The following ENOSF1 variants were observed in gnomAD, a reference collection of about 807,000 sequenced individuals.
ENOSF1 encodes mitochondrial enolase superfamily member 1.
ENOSF1 carries 73 observed loss-of-function variants against 68.2 expected under a neutral mutation model. The ratio of observed to expected loss-of-function variants is 1.07; its 90% confidence interval spans 0.89 to 1.30. The LOEUF (loss-of-function observed/expected upper bound fraction) is 1.30, where lower values mean the gene tolerates loss of function less well. ENOSF1 is among the 50% of genes most tolerant of loss of function. The probability of loss-of-function intolerance (pLI) is 0.00; values close to 1 mark genes in which losing one functional copy is unlikely to be tolerated. For synonymous variants in ENOSF1, 223 were observed against 210.4 expected (o/e 1.06, Z -0.52); for missense variants, 589 against 554.5 (o/e 1.06, Z -0.62).
At chr18:676,663 C>A (rs148182965) in intron 14 of ENOSF1, among the ~76,000 whole-genome samples, 370 of 152,290 alleles carry the variant, frequency 2.4e-3, no homozygotes, top group Middle Eastern at 0.017. Flanking sequence ...TAGACTAATA[C>A]AGTATAAAAT....
chr18:692,809 C>T (rs2077333272), intron 5 of ENOSF1: 1 of 1,037,968 alleles, frequency 9.6e-7, no homozygotes, highest in Admixed American at 5.1e-5. Flanking sequence ...TGTGTCCTTC[C>T]CCTACGGATG....
At chr18:704,826 G>A (rs12457335) in intron 2 of ENOSF1, among the ~76,000 whole-genome samples, 11,556 of 152,030 alleles carry the variant, frequency 0.076, 670 homozygotes, top group Admixed American at 0.18. Flanking sequence ...GGCTGGTCTT[G>A]AACTGCTTGA....
chr18:671,347 C>T lies in ENOSF1; in HGVS notation c.*2958G>A. On this transcript the variant is annotated 3_prime_UTR_variant, in exon 16 of 16. Coordinates refer to ENST00000647584, the MANE Select transcript of ENOSF1 (RefSeq NM_017512.7). ...TGATGTTTTAAAGAATTGAAACTAA[C>T]ATACTGTTCTGCTTTCTCCCCCGGG... is the stretch of plus-strand genomic sequence containing the variant. 7.2e-7 allele frequency: 1 copy of T among 1,383,492 alleles called. No individual in the cohort carries two copies. The highest frequency in any genetic ancestry group is 1.0e-6 in the Non-Finnish European group (1 of 969,836). The allele number at this position is 1,383,492 out of a possible 1,614,324, so 85.7% of individuals were successfully genotyped here. A position where few individuals can be genotyped will look rare whatever the true frequency, so the allele number is the denominator to read the frequency against.
At chr18:694,927 C>G (rs1259966281) in intron 3 of ENOSF1, among the ~76,000 whole-genome samples, 2 of 151,990 alleles carry the variant, frequency 1.3e-5, no homozygotes, top group Admixed American at 6.6e-5. Context: ...CTCTCTTAAC[C>G]CTAAATACAT....
chr18:706,816 T>TATATA lies in ENOSF1; in HGVS notation c.85-239_85-238insTATAT, dbSNP rs756834911. 818 of 93,616 alleles carry TATATA rather than the reference T, an allele frequency of 8.7e-3. 4 individuals carry two copies. Among genetic ancestry groups the TATATA allele is most frequent in the African/African-American group, 0.026 (560 of 21,730 alleles). 5.8% of individuals were successfully genotyped at this position (93,616 alleles called of 1,614,324 possible). A position where few individuals can be genotyped will look rare whatever the true frequency, so the allele number is the denominator to read the frequency against. On this transcript the variant is annotated intron_variant, in intron 1 of 15. Coordinates refer to ENST00000647584, the MANE Select transcript of ENOSF1 (RefSeq NM_017512.7). ...AGCAATGTATGTATATATATATATA[T>TATATA]TTTTTTTTTTTTTCTTTTTTGAGAC...
At chr18:664,945 T>C in the ENOSF1 span, among the ~76,000 whole-genome samples, 5 of 145,626 alleles carry the variant, frequency 3.4e-5, no homozygotes, top group Admixed American at 3.4e-4. Context: ...GAATTTTGCA[T>C]CAATGTTCAT....
intron 2 of ENOSF1, among the ~76,000 whole-genome samples, chr18:698,975 C>T (rs775286701): frequency 3.4e-4 from 51 of 152,088 alleles, no homozygotes; most frequent in Admixed American, 8.5e-4. Context: ...TCTCAGCCTC[C>T]TGAGTAGCTA....
intron 1 of ENOSF1, chr18:712,275 T>TG: frequency 6.5e-7 from 1 of 1,529,348 alleles, no homozygotes; most frequent in Non-Finnish European, 8.8e-7. Context: ...ACAGAAGCAA[T>TG]GGGTTCGAAG....
At position 706,450 on chromosome 18, in the gene ENOSF1, C is replaced by T. The variant is rs191994410; in HGVS notation, c.193+20G>A. ...CTGAAAATTAAGCATTCTGGAACCT[C>T]GAGAGAATCTTCAACTCACCAACTT... On this transcript the variant is annotated intron_variant, in intron 2 of 15. Coordinates refer to ENST00000647584, the MANE Select transcript of ENOSF1 (RefSeq NM_017512.7). 1,006 of 1,508,838 alleles carry T rather than the reference C, an allele frequency of 6.7e-4. 7 individuals are homozygous for T. The African/African-American group carries it at 0.012, about 18-fold the overall frequency. The allele number at this position is 1,508,838 out of a possible 1,614,324, so 93.5% of individuals were successfully genotyped here. A position where few individuals can be genotyped will look rare whatever the true frequency, so the allele number is the denominator to read the frequency against.
In ENOSF1 at chr18:689,699, CCCTATTT is replaced by C. The variant is rs957980853; in HGVS notation, c.618+843_618+849del. ...TTTGTCTCTGCCCCCATCGCTGCCC[CCCTATTT>C]CCTAACACACAACACACAGCCCCTA... On this transcript the variant is annotated intron_variant, in intron 8 of 15. Transcript: ENST00000647584. Among the ~76,000 whole-genome samples the C allele has an allele frequency of 5.7e-4, 87 of 152,224 alleles. No individual in the cohort carries two copies. The Middle Eastern group carries it at 0.017, about 30-fold the overall frequency.
intron 3 of ENOSF1, among the ~76,000 whole-genome samples, chr18:695,466 A>ACT (rs1157323337): frequency 6.6e-6 from 1 of 151,904 alleles, no homozygotes; most frequent in Non-Finnish European, 1.5e-5. Flanking sequence ...TCCCTTGATG[A>ACT]CTCTTGCCTC....
At chr18:688,546 GGAAA>G in intron 9 of ENOSF1, 24 bp downstream of exon 9, 1 of 1,613,872 alleles carries the variant, frequency 6.2e-7, no homozygotes, top group Non-Finnish European at 8.5e-7. Flanking sequence ...CCGCCAACTG[GGAAA>G]GTCAGGTCCA....
chr18:685,373 T>C (rs1450243204), intron 10 of ENOSF1, among the ~76,000 whole-genome samples: 1 of 151,432 alleles, frequency 6.6e-6, no homozygotes, highest in Non-Finnish European at 1.5e-5. Flanking sequence ...AAAAGCAGCA[T>C]TAATTCATGT....
intron 6 of ENOSF1, 41 bp downstream of exon 6, chr18:691,163 G>C (rs751524446): frequency 6.8e-6 from 11 of 1,612,768 alleles, no homozygotes; most frequent in South Asian, 1.1e-5. Flanking sequence ...TGCCACTACT[G>C]TGTGTGCACG....
intron 10 of ENOSF1, 59 bp from the exon 11 acceptor site, chr18:683,439 G>A (rs888145317): frequency 6.3e-7 from 1 of 1,596,824 alleles, no homozygotes; most frequent in Non-Finnish European, 8.6e-7. Context: ...CAGCAGGGCT[G>A]CGGCTCCCAG....
the ENOSF1 span, among the ~76,000 whole-genome samples, chr18:664,860 G>A: frequency 1.4e-5 from 2 of 139,946 alleles, no homozygotes; most frequent in Non-Finnish European, 3.0e-5. Flanking sequence ...GCATCCCAGG[G>A]ATGAAGCCCA....
chr18:684,619 C>T (rs1430684130), intron 10 of ENOSF1, among the ~76,000 whole-genome samples: 2 of 152,246 alleles, frequency 1.3e-5, no homozygotes, highest in East Asian at 1.9e-4. Context: ...CAGTAACTTG[C>T]TTAAGAACAA....
chr18:684,087 A>G (rs370350220), intron 10 of ENOSF1, among the ~76,000 whole-genome samples: 4 of 150,830 alleles, frequency 2.7e-5, no homozygotes, highest in African/African-American at 7.3e-5. Context: ...TCTGCCTCCC[A>G]GGTTCACGCC....
At chr18:693,332 CTTTTTT>C (rs1182862122) in intron 5 of ENOSF1, 1 of 1,207,436 alleles carries the variant, frequency 8.3e-7, no homozygotes, top group Non-Finnish European at 1.1e-6. Flanking sequence ...TTTCTTTTTT[CTTTTTT>C]TGAGACAGGG....
Sources: allele counts gnomAD v4.1 joint callset (sites outside exome capture counted in the v4.1 genomes callset), GRCh38; gene constraint gnomAD v4.1.1; transcripts MANE v1.5; gene names NCBI Gene and HGNC (gene_info 2026-07-23, HGNC 2026-07-21).